Variants in TRIM6 observed in about 807,000 individuals in gnomAD.
TRIM6 encodes tripartite motif-containing protein 6.
A neutral mutation model predicts 51.2 loss-of-function variants in TRIM6; 43 were observed. The ratio of observed to expected loss-of-function variants is 0.84; its 90% CI spans 0.66 to 1.08. The LOEUF (loss-of-function observed/expected upper bound fraction) is 1.08. Among genes scored for constraint, TRIM6 ranks in the 50% least tolerant of loss-of-function variants. TRIM6 has a pLI of 0.00. For missense variants in TRIM6, 669 were observed against 619.0 expected, an observed-to-expected ratio of 1.08 and a Z score of -0.86; for synonymous variants, 215 against 232.4, an observed-to-expected ratio of 0.93 and a Z score of 0.68.
intron 1 of TRIM6, among the ~76,000 whole-genome samples, chr11:5,601,665 C>T (rs1012408829): frequency 2.6e-5 from 4 of 151,872 alleles, no homozygotes; most frequent in Admixed American, 6.6e-5. Flanking sequence ...GGCTGAGGCA[C>T]GAGAATCGCT....
chr11:5,609,962 G>A (rs1405319775), intron 5 of TRIM6, among the ~76,000 whole-genome samples, 183 bp from the exon 6 acceptor site: 1 of 152,216 alleles, frequency 6.6e-6, no homozygotes, highest in East Asian at 1.9e-4. Flanking sequence ...TATGTAGATG[G>A]TGAGATGATA....
At chr11:5,600,198 C>T (rs188009228) in intron 1 of TRIM6, among the ~76,000 whole-genome samples, 51 of 152,214 alleles carry the variant, frequency 3.4e-4, no homozygotes, top group Non-Finnish European at 5.0e-4. Flanking sequence ...CTGCAGCCTG[C>T]GTATCTGCAT....
chr11:5,606,747 A>G (rs1848234296), intron 4 of TRIM6, among the ~76,000 whole-genome samples: 2 of 152,136 alleles, frequency 1.3e-5, no homozygotes, highest in African/African-American at 4.8e-5. Context: ...TGAATCGTCA[A>G]TTCATATTGC....
intron 1 of TRIM6, among the ~76,000 whole-genome samples, chr11:5,599,115 CTTG>C (rs1270203410): frequency 2.0e-5 from 3 of 152,196 alleles, no homozygotes; most frequent in African/African-American, 7.2e-5. Context: ...TGAGATTTAT[CTTG>C]TTGTATATAT....
chr11:5,597,073 A>ATT (rs1554908779), intron 1 of TRIM6, among the ~76,000 whole-genome samples, 159 bp downstream of exon 1: 2 of 151,788 alleles, frequency 1.3e-5, no homozygotes, highest in Non-Finnish European at 2.9e-5. Flanking sequence ...GAGACATTTT[A>ATT]ATCAGTCAGT....
At chr11:5,604,797 G>T in intron 3 of TRIM6, 168 bp downstream of exon 3, 1 of 632,130 alleles carries the variant, frequency 1.6e-6, no homozygotes, top group South Asian at 2.8e-5. Context: ...GAGGAGAGGA[G>T]GTAAATAGCA....
chr11:5,608,530 G>C, intron 5 of TRIM6, 136 bp downstream of exon 5: 1 of 1,372,740 alleles, frequency 7.3e-7, no homozygotes, highest in Non-Finnish European at 9.7e-7. Flanking sequence ...ATCACATGGA[G>C]TTTTGGCATC....
At chr11:5,602,165 G>A (rs900263303) in intron 1 of TRIM6, among the ~76,000 whole-genome samples, 1 of 152,212 alleles carries the variant, frequency 6.6e-6, no homozygotes, top group Non-Finnish European at 1.5e-5. Context: ...AATAGACCGG[G>A]TGCAGTGGCT....
intron 1 of TRIM6, 44 bp downstream of exon 1, chr11:5,596,958 G>T (rs765969144): frequency 6.2e-7 from 1 of 1,613,810 alleles, no homozygotes; most frequent in Non-Finnish European, 8.5e-7. Context: ...GTCACTTCTG[G>T]CAGAGGTGAC....
At chr11:5,599,383 A>ATATT (rs60859015) in intron 1 of TRIM6, among the ~76,000 whole-genome samples, 59,185 of 146,660 alleles carry the variant, frequency 0.4, 12,136 homozygotes, top group South Asian at 0.46. Flanking sequence ...TACAATTATT[A>ATATT]TATTTATTTA....
intron 4 of TRIM6, among the ~76,000 whole-genome samples, chr11:5,606,126 A>G (rs555569352): frequency 1.3e-5 from 2 of 152,348 alleles, no homozygotes; most frequent in East Asian, 3.9e-4. Flanking sequence ...CTTCTTACCC[A>G]GCTTAGTCAC....
At chr11:5,596,987 A>G in intron 1 of TRIM6, 73 bp downstream of exon 1, 1 of 1,610,138 alleles carries the variant, frequency 6.2e-7, no homozygotes, top group South Asian at 1.1e-5. Context: ...GAAAGAGATA[A>G]GGTCCTTTCC....
intron 4 of TRIM6, among the ~76,000 whole-genome samples, chr11:5,605,940 G>C (rs1194865011): frequency 2.0e-5 from 3 of 152,182 alleles, no homozygotes; most frequent in Admixed American, 6.5e-5. Flanking sequence ...ATGCTTAGCA[G>C]CGTCTCTGGC....
upstream of TRIM6, chr11:5,596,540 CCTTCCCCCT>C (rs1847469334): frequency 1.6e-5 from 1 of 64,246 alleles, no homozygotes; most frequent in Admixed American, 1.7e-4. Context: ...CCCCCTTCCC[CCTTCCCCCT>C]TCCCCCTTCC....
intron 4 of TRIM6, 86 bp downstream of exon 4, chr11:5,605,653 C>T (rs573066140): frequency 3.4e-6 from 5 of 1,452,466 alleles, no homozygotes; most frequent in African/African-American, 1.4e-5. Flanking sequence ...AGACTACCAT[C>T]GTTGCAGGGA....
At chr11:5,600,401 T>G (rs1379156523) in intron 1 of TRIM6, among the ~76,000 whole-genome samples, 1 of 152,082 alleles carries the variant, frequency 6.6e-6, no homozygotes. Flanking sequence ...CTGCTAAGCA[T>G]GGCAAAGCTG....
Position 5,603,266 on chromosome 11 carries a change from T to C in TRIM6, c.38T>C (p.Ile13Thr), listed in dbSNP as rs367682498. 6.2e-7 allele frequency: 1 copy of C among 1,613,758 alleles called. No homozygotes were observed. The highest frequency in any genetic ancestry group is 1.3e-5 in the African/African-American group (1 of 74,888). ...GSERILQAGN[I>T]LEIRVGQAGA... ...CCTAGGATTCTACAGGCAGGAAACA[T>C]CTTAGAAATCAGGGTTGGGCAGGCA... Residue 13 changes from isoleucine to threonine, a missense_variant, in exon 2 of 8, where the codon ATC (isoleucine) becomes ACC (threonine). Physicochemically the swap from Ile to Thr is moderately conservative, Grantham distance 89. Coordinates refer to ENST00000380097, the MANE Select transcript of TRIM6 (RefSeq NM_001003818.3).
In TRIM6 at chr11:5,608,357, C is replaced by T. The variant is rs375554604; in HGVS notation, c.835-15C>T. The T allele has an allele frequency of 4.0e-5, 65 of 1,613,170 alleles. No homozygotes were observed. Among genetic ancestry groups the T allele is most frequent in the Non-Finnish European group, 5.4e-5 (64 of 1,179,626 alleles). ...CCTGTTACTCCTTGACTTAACCTGT[C>T]TTTTTCCTTCCTAGGATGTGAGTGA... On this transcript the variant is annotated splice_polypyrimidine_tract_variant and intron_variant, in intron 4 of 7. Coordinates refer to ENST00000380097, the MANE Select transcript of TRIM6 (RefSeq NM_001003818.3).
intron 4 of TRIM6, among the ~76,000 whole-genome samples, chr11:5,606,941 CG>C: frequency 6.6e-6 from 1 of 152,196 alleles, no homozygotes; most frequent in South Asian, 2.1e-4. Context: ...CGGTGGCTCA[CG>C]CCTGTAATCC....
Sources: gnomAD v4.1 joint callset for allele counts (sites outside exome capture counted in the v4.1 genomes callset) on GRCh38, gnomAD v4.1.1 for gene constraint, MANE v1.5 for transcripts, NCBI Gene and HGNC (gene_info 2026-07-23, HGNC 2026-07-21) for gene names.